Variants in AKR1C8 observed in about 807,000 individuals in gnomAD.
AKR1C8 encodes the protein aldo-keto reductase family 1 member C-like protein 1.
chr10:5,151,133 T>G, the AKR1C8 span, among the ~76,000 whole-genome samples: 1 of 152,206 alleles, frequency 6.6e-6, no homozygotes, highest in African/African-American at 2.4e-5. Context: ...ATGAGCCAGT[T>G]TATTAATCTG....
chr10:5,135,256 C>T, the AKR1C8 span: 8 of 206,600 alleles, frequency 3.9e-5, no homozygotes, highest in East Asian at 1.1e-3. Context: ...TAAGCAGACA[C>T]GGTTTCCTTC....
chr10:5,121,663 A>G, the AKR1C8 span, among the ~76,000 whole-genome samples: 210 of 152,278 alleles, frequency 1.4e-3, 2 homozygotes, highest in African/African-American at 4.9e-3. Context: ...CTCCATAAAA[A>G]TATTAAAATT....
the AKR1C8 span, chr10:5,158,776 T>A: frequency 2.1e-6 from 1 of 465,720 alleles, no homozygotes; most frequent in Non-Finnish European, 4.4e-6. Context: ...AATTTAAAAT[T>A]GGTCTGAAGG....
the AKR1C8 span, among the ~76,000 whole-genome samples, chr10:5,116,786 A>C: frequency 6.6e-6 from 1 of 152,020 alleles, no homozygotes; most frequent in Non-Finnish European, 1.5e-5. Flanking sequence ...GTAGTGCTGC[A>C]GCTGTCTGCT....
the AKR1C8 span, among the ~76,000 whole-genome samples, chr10:5,166,116 C>A: frequency 6.6e-6 from 1 of 152,056 alleles, no homozygotes; most frequent in Admixed American, 6.6e-5. Context: ...AGATGAGTAA[C>A]AAACCATCTT....
the AKR1C8 span, chr10:5,160,920 C>T: frequency 2.1e-6 from 1 of 470,632 alleles, no homozygotes; most frequent in Admixed American, 2.4e-5. Context: ...TAAAGAAGGA[C>T]ATTTTCTATG....
chr10:5,145,369 T>C, the AKR1C8 span, among the ~76,000 whole-genome samples: 2 of 151,930 alleles, frequency 1.3e-5, no homozygotes, highest in African/African-American at 4.8e-5. Context: ...ACTAAAGAGC[T>C]TCTGCACAGC....
chr10:5,125,314 T>C, the AKR1C8 span, among the ~76,000 whole-genome samples: 3 of 152,182 alleles, frequency 2.0e-5, no homozygotes, highest in Admixed American at 6.5e-5. Context: ...TTATTGGTAC[T>C]TCCTTAGATA....
chr10:5,157,609 C>CT, the AKR1C8 span: 2 of 465,112 alleles, frequency 4.3e-6, no homozygotes, highest in African/African-American at 4.0e-5. Context: ...ATGGCTCACT[C>CT]TGGAGCGACT....
At chr10:5,158,756 A>G in the AKR1C8 span, 3 of 467,452 alleles carry the variant, frequency 6.4e-6, no homozygotes, top group South Asian at 3.1e-5. Context: ...TGAGCCAATA[A>G]CCACATGCAA....
At chr10:5,122,396 T>G in the AKR1C8 span, among the ~76,000 whole-genome samples, 17 of 152,128 alleles carry the variant, frequency 1.1e-4, no homozygotes, top group Non-Finnish European at 2.4e-4. Flanking sequence ...AGATGTGCAC[T>G]CATCAATCTA....
chr10:5,141,369 G>A, the AKR1C8 span, among the ~76,000 whole-genome samples: 1 of 152,010 alleles, frequency 6.6e-6, no homozygotes, highest in African/African-American at 2.4e-5. Context: ...ATCCATGAGA[G>A]TTGTAATTAA....
At chr10:5,141,615 T>C in the AKR1C8 span, among the ~76,000 whole-genome samples, 1 of 152,104 alleles carries the variant, frequency 6.6e-6, no homozygotes, top group Admixed American at 6.6e-5. Context: ...GAAGAATAAA[T>C]ATTGTGAAAG....
the AKR1C8 span, among the ~76,000 whole-genome samples, chr10:5,158,015 A>C: frequency 6.6e-6 from 1 of 152,222 alleles, no homozygotes; most frequent in Non-Finnish European, 1.5e-5. Flanking sequence ...TGGATAAACA[A>C]GTTATCCATA....
the AKR1C8 span, chr10:5,157,600 T>C: frequency 6.5e-6 from 3 of 460,156 alleles, no homozygotes; most frequent in African/African-American, 4.0e-5. Flanking sequence ...TCAGCACCCA[T>C]GGCTCACTCT....
At chr10:5,155,510 G>A in the AKR1C8 span, 5 of 293,172 alleles carry the variant, frequency 1.7e-5, no homozygotes, top group Non-Finnish European at 3.4e-5. Flanking sequence ...CTGGGTCAGA[G>A]ATTGAGTCCT....
the AKR1C8 span, among the ~76,000 whole-genome samples, chr10:5,131,682 AC>A: frequency 1.3e-4 from 20 of 150,394 alleles, no homozygotes; most frequent in African/African-American, 4.9e-4. Context: ...AAAAAAAAAA[AC>A]AAAAACAGTA....
chr10:5,162,836 A>C, the AKR1C8 span: 1 of 530,024 alleles, frequency 1.9e-6, no homozygotes, highest in South Asian at 1.4e-5. Flanking sequence ...TGGCTACTGT[A>C]CACACAGAAC....
chr10:5,169,340 G>C, the AKR1C8 span, among the ~76,000 whole-genome samples: 2 of 152,158 alleles, frequency 1.3e-5, no homozygotes, highest in Admixed American at 6.6e-5. Context: ...ACTTCCTGCT[G>C]GGGGGCGGGG....
Sources: gnomAD v4.1 joint callset for allele counts (sites outside exome capture counted in the v4.1 genomes callset) on GRCh38, gnomAD v4.1.1 for gene constraint, MANE v1.5 for transcripts, NCBI Gene and HGNC (gene_info 2026-07-23, HGNC 2026-07-21) for gene names.